Variants in NCOA2 observed in about 807,000 individuals in gnomAD.
NCOA2 encodes nuclear receptor coactivator 2.
NCOA2 carries 21 observed loss-of-function variants against 145.1 expected under a neutral mutation model. That is an observed-to-expected ratio of 0.14 (90% confidence interval 0.10 to 0.21). The LOEUF (loss-of-function observed/expected upper bound fraction) is 0.21. Ranked by LOEUF, NCOA2 falls within the 10% of genes least tolerant of loss-of-function variation. The pLI, the probability that NCOA2 is intolerant of heterozygous loss-of-function variation, is 1.00. For missense variants in NCOA2, 1,472 were observed against 1,837.6 expected, an observed-to-expected ratio of 0.80 and a Z score of 3.64; for synonymous variants, 619 against 637.5, an observed-to-expected ratio of 0.97 and a Z score of 0.44.
intron 4 of NCOA2, among the ~76,000 whole-genome samples, chr8:70,207,683 G>T (rs201792322): frequency 6.6e-6 from 1 of 151,956 alleles, no homozygotes; most frequent in South Asian, 2.1e-4. Flanking sequence ...GACCAACATG[G>T]TGAAACCCTG....
intron 11 of NCOA2, among the ~76,000 whole-genome samples, chr8:70,149,136 C>G (rs1213885710): frequency 6.6e-6 from 1 of 151,926 alleles, no homozygotes; most frequent in East Asian, 1.9e-4. Context: ...CAGTCTTTTG[C>G]CAGCTTAGGT....
chr8:70,378,477 G>T lies in NCOA2; in HGVS notation c.-77+25223C>A, dbSNP rs12543641. ...ATCCCCACATGTTTCTTCACAGATG[G>T]CTGAAGTATGCAAAATGCAGGGAAG... On this transcript the variant is annotated intron_variant, in intron 1 of 22. Transcript: ENST00000452400. Among the ~76,000 whole-genome samples, 92 of 151,728 alleles carry T rather than the reference G, an allele frequency of 6.1e-4. 1 individual carries two copies. Among genetic ancestry groups the T allele is most frequent in the East Asian group, 5.2e-3 (26 of 5,040 alleles).
intron 2 of NCOA2, among the ~76,000 whole-genome samples, chr8:70,229,870 GA>G (rs1209247827): frequency 6.6e-6 from 1 of 152,176 alleles, no homozygotes; most frequent in Non-Finnish European, 1.5e-5. Context: ...CTAAACTTTA[GA>G]AAGAAATTGT....
In NCOA2 at chr8:70,112,430, G is replaced by A. The variant is rs1039162719; in HGVS notation, c.*1202C>T. The A allele has an allele frequency of 6.7e-5, 13 of 194,686 alleles. No individual in the cohort carries two copies. Among genetic ancestry groups the A allele is most frequent in the African/African-American group, 2.3e-4 (10 of 43,054 alleles). The allele number at this position is 194,686 out of a possible 1,614,324, so 12.1% of individuals were successfully genotyped here. ...GATTTTATGTACCTTACAAAACTTC[G>A]GCTTAGTCAGCACTGCTAAAAAACA... On this transcript the variant is annotated 3_prime_UTR_variant, in exon 23 of 23. Coordinates refer to ENST00000452400, the MANE Select transcript of NCOA2 (RefSeq NM_006540.4).
intron 4 of NCOA2, among the ~76,000 whole-genome samples, chr8:70,196,585 A>G (rs553087948): frequency 2.6e-5 from 4 of 152,292 alleles, no homozygotes; most frequent in South Asian, 2.1e-4. Flanking sequence ...TACAGCCTAC[A>G]TAAGATTTAA....
the NCOA2 span, among the ~76,000 whole-genome samples, chr8:70,438,398 A>G: frequency 1.3e-5 from 2 of 151,692 alleles, no homozygotes; most frequent in African/African-American, 4.8e-5. Flanking sequence ...CCTCTTTTTT[A>G]TTTAATCATT....
intron 21 of NCOA2, chr8:70,123,670 C>T (rs1455890707): frequency 5.0e-6 from 2 of 398,360 alleles, no homozygotes; most frequent in Non-Finnish European, 8.9e-6. Flanking sequence ...ATTTTAAAAG[C>T]TCCTCAAGCA....
intron 1 of NCOA2, among the ~76,000 whole-genome samples, chr8:70,399,640 T>G (rs545857043): frequency 3.3e-4 from 51 of 152,254 alleles, no homozygotes; most frequent in Non-Finnish European, 6.2e-4. Flanking sequence ...ATTTCTTAAA[T>G]AGCAGTTTTT....
chr8:70,372,360 C>T (rs538467566), intron 1 of NCOA2, among the ~76,000 whole-genome samples: 1 of 152,282 alleles, frequency 6.6e-6, no homozygotes, highest in African/African-American at 2.4e-5. Flanking sequence ...GAATTTAATG[C>T]TTTAACATGT....
chr8:70,381,648 A>C (rs1188872071), intron 1 of NCOA2, among the ~76,000 whole-genome samples: 1 of 152,242 alleles, frequency 6.6e-6, no homozygotes, highest in Non-Finnish European at 1.5e-5. Flanking sequence ...TTGTTATTCA[A>C]GCTTATATAG....
At chr8:70,435,568 T>A in the NCOA2 span, among the ~76,000 whole-genome samples, 13 of 151,540 alleles carry the variant, frequency 8.6e-5, no homozygotes, top group African/African-American at 2.9e-4. Flanking sequence ...TTTTCTCTTC[T>A]GTAAAATGGG....
intron 16 of NCOA2, among the ~76,000 whole-genome samples, chr8:70,129,512 G>A (rs181037422): frequency 1.8e-3 from 279 of 152,234 alleles, no homozygotes; most frequent in African/African-American, 6.0e-3. Flanking sequence ...GTACATGGTG[G>A]GGTCCAATTC....
At chr8:70,158,073 A>C (rs1812489346) in intron 10 of NCOA2, among the ~76,000 whole-genome samples, 1 of 152,242 alleles carries the variant, frequency 6.6e-6, no homozygotes, top group Admixed American at 6.5e-5. Flanking sequence ...CAAATAAAAC[A>C]GGTTTCACAA....
chr8:70,424,094 A>G, the NCOA2 span: 1 of 163,504 alleles, frequency 6.1e-6, no homozygotes, highest in Non-Finnish European at 1.3e-5. Flanking sequence ...TTTGGTATAT[A>G]AACTATGTAT....
intron 11 of NCOA2, among the ~76,000 whole-genome samples, chr8:70,150,479 T>C (rs961100443): frequency 6.6e-6 from 1 of 152,180 alleles, no homozygotes; most frequent in African/African-American, 2.4e-5. Flanking sequence ...GTTCACACTA[T>C]TAGAGCCACA....
chr8:70,385,829 GA>G (rs151192672), intron 1 of NCOA2, among the ~76,000 whole-genome samples: 13 of 148,880 alleles, frequency 8.7e-5, no homozygotes, highest in South Asian at 2.1e-4. Context: ...GAGTGATGAG[GA>G]AAAAAAAAAC....
At chr8:70,371,679 G>C (rs1444025499) in intron 1 of NCOA2, among the ~76,000 whole-genome samples, 1 of 152,016 alleles carries the variant, frequency 6.6e-6, no homozygotes, top group African/African-American at 2.4e-5. Flanking sequence ...TGTTGTTGTT[G>C]TTGTTTAACC....
In NCOA2 at chr8:70,248,417, A is replaced by G. The variant is rs541167324; in HGVS notation, c.-19-31653T>C. Among the ~76,000 whole-genome samples, 126 of 152,242 alleles carry G rather than the reference A, an allele frequency of 8.3e-4. 1 individual carries two copies. Among genetic ancestry groups the G allele is most frequent in the African/African-American group, 2.9e-3 (122 of 41,558 alleles). On this transcript the variant is annotated intron_variant, in intron 2 of 22. Transcript: ENST00000452400. Reference sequence around the variant, plus strand: ...CCCTGCCAACAACCACGATACTCTGATTTTCTGTTACCACAGATTAGTTTT... The same window carrying G: ...CCCTGCCAACAACCACGATACTCTGGTTTTCTGTTACCACAGATTAGTTTT...
intron 2 of NCOA2, among the ~76,000 whole-genome samples, chr8:70,271,778 C>T (rs936812413): frequency 1.3e-5 from 2 of 152,218 alleles, no homozygotes; most frequent in African/African-American, 4.8e-5. Context: ...TCATTTGCTT[C>T]TGACAGCTTG....
Sources: gnomAD v4.1 joint callset for allele counts (sites outside exome capture counted in the v4.1 genomes callset) on GRCh38, gnomAD v4.1.1 for gene constraint, MANE v1.5 for transcripts, NCBI Gene and HGNC (gene_info 2026-07-23, HGNC 2026-07-21) for gene names.